DPP10: variants seen among roughly 807,000 people sequenced by gnomAD.
DPP10 encodes the protein dipeptidyl peptidase like 10, also known as inactive dipeptidyl peptidase 10.
Under a neutral mutation model 120.9 loss-of-function variants are expected in DPP10, and 33 were observed. The observed-to-expected ratio is 0.27, with a 90% CI of 0.21 to 0.37. The LOEUF (loss-of-function observed/expected upper bound fraction) is 0.37, where lower values mean the gene tolerates loss of function less well. Among genes scored for constraint, DPP10 ranks in the 10% least tolerant of loss-of-function variants. DPP10 has a pLI of 1.00. For missense variants in DPP10, 816 were observed against 942.8 expected (o/e 0.87, Z 1.76); for synonymous variants, 337 against 326.1 (o/e 1.03, Z -0.36).
intron 1 of DPP10, among the ~76,000 whole-genome samples, chr2:115,086,456 T>C (rs1159042121): frequency 2.2e-4 from 2 of 9,194 alleles, no homozygotes; most frequent in African/African-American, 3.8e-4. Flanking sequence ...GTATTTCTTT[T>C]TTTTTTTTTT....
chr2:115,350,847 G>T (rs1360968466), intron 3 of DPP10, among the ~76,000 whole-genome samples: 1 of 151,914 alleles, frequency 6.6e-6, no homozygotes, highest in African/African-American at 2.4e-5. Flanking sequence ...AGCCCCCAAA[G>T]GGTTTTTTTA....
chr2:114,640,714 G>T, intron 1 of DPP10, among the ~76,000 whole-genome samples: 1 of 151,964 alleles, frequency 6.6e-6, no homozygotes, highest in Non-Finnish European at 1.5e-5. Flanking sequence ...AGTCAACCAC[G>T]CAAAGAAGGA....
chr2:114,925,380 A>C (rs62167685), intron 1 of DPP10, among the ~76,000 whole-genome samples: 18,607 of 152,168 alleles, frequency 0.12, 1,263 homozygotes, highest in Non-Finnish European at 0.14. Context: ...GGGAGCAAAG[A>C]GTTCATTCCC....
chr2:115,322,834 T>C (rs2062134489), intron 2 of DPP10, among the ~76,000 whole-genome samples: 1 of 152,200 alleles, frequency 6.6e-6, no homozygotes. Flanking sequence ...TCGCATTATG[T>C]ATTATAAAAA....
intron 5 of DPP10, among the ~76,000 whole-genome samples, chr2:115,601,963 G>A (rs1283243409): frequency 1.3e-5 from 2 of 151,936 alleles, no homozygotes; most frequent in Non-Finnish European, 2.9e-5. Flanking sequence ...TTACAGGTGT[G>A]AGCCACCGCG....
chr2:115,137,006 T>G (rs943153199), intron 1 of DPP10, among the ~76,000 whole-genome samples: 1 of 152,210 alleles, frequency 6.6e-6, no homozygotes. Flanking sequence ...TTTGTGGCTA[T>G]TCCCTTGAAT....
intron 1 of DPP10, among the ~76,000 whole-genome samples, chr2:114,940,573 T>G (rs542026783): frequency 4.6e-4 from 65 of 140,618 alleles, no homozygotes; most frequent in African/African-American, 1.5e-3. Flanking sequence ...AAAAAAAAAA[T>G]GGTGTTTTAA....
chr2:115,628,828 T>G (rs1391268182), intron 5 of DPP10, among the ~76,000 whole-genome samples: 1 of 151,980 alleles, frequency 6.6e-6, no homozygotes, highest in Non-Finnish European at 1.5e-5. Context: ...TTATTATTAT[T>G]ATTATACTTT....
intron 5 of DPP10, among the ~76,000 whole-genome samples, chr2:115,603,560 GTTTTTTTTTGT>G (rs1309705848): frequency 7.9e-6 from 1 of 126,428 alleles, no homozygotes; most frequent in African/African-American, 3.0e-5. Context: ...CGTTGTTGTT[GTTTTTTTTTGT>G]TTTTTTTTTT....
At chr2:115,270,796 CA>C (rs2059665794) in intron 1 of DPP10, among the ~76,000 whole-genome samples, 1 of 152,196 alleles carries the variant, frequency 6.6e-6, no homozygotes, top group East Asian at 1.9e-4. Flanking sequence ...TTTGGGACTA[CA>C]AAACATTCTC....
chr2:114,711,122 T>G (rs560475620), intron 1 of DPP10, among the ~76,000 whole-genome samples: 3 of 152,306 alleles, frequency 2.0e-5, no homozygotes, highest in African/African-American at 7.2e-5. Flanking sequence ...AGTTTTTGGA[T>G]GATCATCAAT....
Position 114,892,030 on chromosome 2 carries a change from A to G in DPP10, c.61-417209A>G, listed in dbSNP as rs531841671. Among the ~76,000 whole-genome samples, 13 of 152,260 alleles carry G rather than the reference A, an allele frequency of 8.5e-5. No homozygotes were observed. In the East Asian group the frequency reaches 1.5e-3, roughly 18 times the overall value. On this transcript the variant is annotated intron_variant, in intron 1 of 25. Coordinates refer to ENST00000410059, the MANE Select transcript of DPP10 (RefSeq NM_020868.6). ...TCTCCATGAAGTAGGACCCTTTACA[A>G]CTAGAAAACTTACCCTTACCCCCAC...
At chr2:115,186,903 T>C (rs952617199) in intron 1 of DPP10, among the ~76,000 whole-genome samples, 3 of 151,888 alleles carry the variant, frequency 2.0e-5, no homozygotes, top group Non-Finnish European at 4.4e-5. Context: ...AGAATAGTTA[T>C]ATGCTAGGGT....
At chr2:114,588,246 C>T (rs1374236591) in intron 1 of DPP10, among the ~76,000 whole-genome samples, 1 of 152,174 alleles carries the variant, frequency 6.6e-6, no homozygotes, top group Non-Finnish European at 1.5e-5. Flanking sequence ...AGGCGTAACT[C>T]ATGACATCAT....
At chr2:115,310,291 C>G (rs2106028810) in intron 2 of DPP10, among the ~76,000 whole-genome samples, 1 of 152,088 alleles carries the variant, frequency 6.6e-6, no homozygotes, top group East Asian at 1.9e-4. Flanking sequence ...TTTATGAGCC[C>G]CTTAAACACA....
intron 2 of DPP10, among the ~76,000 whole-genome samples, chr2:115,338,440 A>T (rs868034781): frequency 1.3e-5 from 2 of 152,202 alleles, no homozygotes; most frequent in African/African-American, 4.8e-5. Context: ...ACATTTTTTT[A>T]AAATAAATTA....
At chr2:115,834,883 G>A (rs1392002738) in intron 21 of DPP10, among the ~76,000 whole-genome samples, 1 of 151,984 alleles carries the variant, frequency 6.6e-6, no homozygotes, top group Admixed American at 6.6e-5. Flanking sequence ...TCAGGAGATC[G>A]AGACCATCCT....
At chr2:115,622,836 T>TG (rs1038160015) in intron 5 of DPP10, among the ~76,000 whole-genome samples, 1 of 137,106 alleles carries the variant, frequency 7.3e-6, no homozygotes, top group Non-Finnish European at 1.6e-5. Flanking sequence ...ATTCTTTTTT[T>TG]TTTTTTTTTT....
intron 17 of DPP10, among the ~76,000 whole-genome samples, chr2:115,790,168 T>C (rs1020993332): frequency 2.1e-4 from 32 of 150,414 alleles, no homozygotes; most frequent in African/African-American, 6.4e-4. Context: ...CAAGCTCCGC[T>C]TCCCGGGTTC....
Sources: allele counts gnomAD v4.1 joint callset (sites outside exome capture counted in the v4.1 genomes callset), GRCh38; gene constraint gnomAD v4.1.1; transcripts MANE v1.5; gene names NCBI Gene and HGNC (gene_info 2026-07-23, HGNC 2026-07-21).